Variants in DCN observed in about 807,000 individuals in gnomAD.
DCN encodes bone proteoglycan II.
DCN carries 17 observed loss-of-function variants against 36.5 expected under a neutral mutation model. The ratio of observed to expected loss-of-function variants is 0.47; its 90% CI spans 0.32 to 0.70. DCN has a LOEUF of 0.70. DCN is among the 30% of genes least tolerant of loss of function. DCN has a pLI of 0.04. For missense variants in DCN, 389 were observed against 430.1 expected (o/e 0.90, Z 0.84); for synonymous variants, 163 against 161.4 (o/e 1.01, Z -0.07).
intron 5 of DCN, among the ~76,000 whole-genome samples, chr12:91,154,052 T>G (rs181462464): frequency 6.6e-6 from 1 of 152,238 alleles, no homozygotes; most frequent in East Asian, 1.9e-4. Context: ...ATTGGTTAAG[T>G]GTAGAAAGAA....
At position 91,144,550 on chromosome 12, in the gene DCN, A is replaced by T; in HGVS notation, c.*1508T>A. The T allele has an allele frequency of 6.6e-6, 1 of 152,210 alleles. No individual in the cohort carries two copies. The highest frequency in any genetic ancestry group is 1.9e-4 in the East Asian group (1 of 5,202). 9.4% of individuals were successfully genotyped at this position (152,210 alleles called of 1,614,324 possible). On this transcript the variant is annotated 3_prime_UTR_variant, in exon 8 of 8. Transcript: ENST00000052754. ...AGAATGTGGAAAGATGGAAAAGAGT[A>T]ACTTTCCCTAATGTTAATATTACCT...
At chr12:91,172,473 C>G (rs3138185) in intron 2 of DCN, 1 of 212,050 alleles carries the variant, frequency 4.7e-6, no homozygotes, top group South Asian at 8.1e-5. Flanking sequence ...AGCATGTTCC[C>G]CTTTTTCCAT....
chr12:91,149,855 A>C (rs1881291146), intron 7 of DCN, among the ~76,000 whole-genome samples: 1 of 152,210 alleles, frequency 6.6e-6, no homozygotes, highest in Admixed American at 6.5e-5. Flanking sequence ...AAAAACAATG[A>C]ATGTAGTAAA....
intron 3 of DCN, among the ~76,000 whole-genome samples, chr12:91,163,012 C>T (rs1292937232): frequency 3.3e-5 from 5 of 152,174 alleles, no homozygotes; most frequent in African/African-American, 7.2e-5. Flanking sequence ...CTCAATGCTT[C>T]AGAGTGGTCT....
chr12:91,167,690 A>T (rs1882665850), intron 2 of DCN, among the ~76,000 whole-genome samples: 1 of 152,222 alleles, frequency 6.6e-6, no homozygotes, highest in East Asian at 1.9e-4. Flanking sequence ...GAGAATTTTA[A>T]GGCAGTCTAA....
In DCN at chr12:91,153,038, T is replaced by C; in HGVS notation, c.746+58A>G. On this transcript the variant is annotated intron_variant, in intron 6 of 7. Coordinates refer to ENST00000052754, the MANE Select transcript of DCN (RefSeq NM_001920.5). ...CATCATGTTTATAATTCTTATCATA[T>C]AAGCACTAATATACCTAGCCATTGT... 3.4e-6 allele frequency: 3 copies of C among 881,668 alleles called. No homozygotes were observed. In the South Asian group the frequency reaches 3.9e-5, roughly 12 times the overall value. The allele number at this position is 881,668 out of a possible 1,614,324, so 54.6% of individuals were successfully genotyped here. A position where few individuals can be genotyped will look rare whatever the true frequency, so the allele number is the denominator to read the frequency against.
Position 91,157,062 on chromosome 12 carries a change from A to G in DCN, c.652+13T>C. 6.6e-7 allele frequency: 1 copy of G among 1,520,208 alleles called. No individual in the cohort carries two copies. Among genetic ancestry groups the G allele is most frequent in the Middle Eastern group, 1.7e-4 (1 of 5,886 alleles). 94.2% of individuals were successfully genotyped at this position (1,520,208 alleles called of 1,614,324 possible). On this transcript the variant is annotated intron_variant, in intron 5 of 7. Transcript: ENST00000052754. ...TTAAATTTTTCAAAATGTTTTGGAG[A>G]ATCTTCTATCACCTTGAGGAATGCT...
chr12:91,172,964 G>T, intron 2 of DCN: 1 of 458,022 alleles, frequency 2.2e-6, no homozygotes, highest in East Asian at 3.5e-5. Flanking sequence ...AATAATCAAA[G>T]CAAATGTAGA....
At chr12:91,165,617 CT>C (rs1039168355) in intron 2 of DCN, among the ~76,000 whole-genome samples, 13 of 152,060 alleles carry the variant, frequency 8.5e-5, no homozygotes, top group Admixed American at 6.6e-4. Context: ...TTTTGCCTTT[CT>C]TTTTTTCATT....
rs1462894446 is a variant in DCN, at chr12:91,141,871, C to A, written c.*4187G>T. On this transcript the variant is annotated 3_prime_UTR_variant, in exon 8 of 8. Coordinates refer to ENST00000052754, the MANE Select transcript of DCN (RefSeq NM_001920.5). ...ATACTCAGGAGGCAACTCACCCAGT[C>A]CTTTTCTGGTTATCTTATACTGGGG... The A allele has an allele frequency of 1.3e-5, 2 of 152,062 alleles. No individual in the cohort carries two copies. Among genetic ancestry groups the A allele is most frequent in the Admixed American group, 1.3e-4 (2 of 15,248 alleles). The allele number at this position is 152,062 out of a possible 1,614,324, so 9.4% of individuals were successfully genotyped here.
intron 2 of DCN, among the ~76,000 whole-genome samples, chr12:91,169,398 A>C (rs1882796457): frequency 6.6e-6 from 1 of 151,362 alleles, no homozygotes. Context: ...AAAAAAAAAA[A>C]AAACCAAAAA....
In DCN at chr12:91,169,378, C is replaced by CTAAAAAAAAAAA. The variant is rs71097880; in HGVS notation, c.212-4662_212-4661insTTTTTTTTTTTA. Reference sequence around the variant, plus strand: ...CCTAGGCAACAGGGGGAGATCCTGTCAAAAAAAAAAAAAAAAAAAAAAACC... The same window carrying CTAAAAAAAAAAA: ...CCTAGGCAACAGGGGGAGATCCTGTCTAAAAAAAAAAAAAAAAAAAAAAAAAAAAAAAAAACC... On this transcript the variant is annotated intron_variant, in intron 2 of 7. Transcript: ENST00000052754. Among the ~76,000 whole-genome samples, 6 of 73,402 alleles carry CTAAAAAAAAAAA rather than the reference C, an allele frequency of 8.2e-5. 2 individuals are homozygous for CTAAAAAAAAAAA. The highest frequency in any genetic ancestry group is 1.1e-4 in the African/African-American group (2 of 18,094). 48.2% of individuals were successfully genotyped at this position (73,402 alleles called of 152,430 possible).
At chr12:91,179,989 A>G (rs112398466) in intron 1 of DCN, among the ~76,000 whole-genome samples, 112 of 152,316 alleles carry the variant, frequency 7.4e-4, no homozygotes, top group African/African-American at 2.6e-3. Flanking sequence ...ATGTTGTTAA[A>G]TCAACTGAAG....
intron 2 of DCN, 83 bp from the exon 3 acceptor site, chr12:91,164,800 T>A: frequency 1.3e-6 from 1 of 767,708 alleles, no homozygotes; most frequent in Non-Finnish European, 2.4e-6. Context: ...TACCAAGAAA[T>A]TAATGTTATG....
rs1476559434 is a variant in DCN, at chr12:91,145,584, T to C, written c.*474A>G. The C allele has an allele frequency of 6.0e-6, 1 of 166,268 alleles. No homozygotes were observed. Among genetic ancestry groups the C allele is most frequent in the Non-Finnish European group, 1.3e-5 (1 of 75,190 alleles). 10.3% of individuals were successfully genotyped at this position (166,268 alleles called of 1,614,324 possible). A position where few individuals can be genotyped will look rare whatever the true frequency, so the allele number is the denominator to read the frequency against. Reference sequence around the variant, plus strand: ...AAAATAATGACATTAGTAAAAATTTTACATAGCCTGTATTGAATTCACACA... The same window carrying C: ...AAAATAATGACATTAGTAAAAATTTCACATAGCCTGTATTGAATTCACACA... On this transcript the variant is annotated 3_prime_UTR_variant, in exon 8 of 8. Coordinates refer to ENST00000052754, the MANE Select transcript of DCN (RefSeq NM_001920.5).
rs1379946619 is a variant in DCN, at chr12:91,164,736, G to C, written c.212-19C>G. The C allele has an allele frequency of 1.6e-6, 2 of 1,283,120 alleles. No individual in the cohort carries two copies. Among genetic ancestry groups the C allele is most frequent in the African/African-American group, 1.5e-5 (1 of 68,468 alleles). 79.5% of individuals were successfully genotyped at this position (1,283,120 alleles called of 1,614,324 possible). On this transcript the variant is annotated intron_variant, in intron 2 of 7. Transcript: ENST00000052754. ...TCCAGACCTAGCATAAGAGTAATAGGAGTGTGCTGTGAGTAGAAAGGACAT... is the reference window on the plus strand; with the variant it reads ...TCCAGACCTAGCATAAGAGTAATAGCAGTGTGCTGTGAGTAGAAAGGACAT...
Position 91,178,484 on chromosome 12 carries a change from G to A in DCN, c.69C>T (p.Gly23=). Reference sequence around the variant, plus strand: ...CATCTTCTAGCATAAAGTCAAATAAGCCTCTCTGTTGAAACGGTCCAGCCC... The same window carrying A: ...CATCTTCTAGCATAAAGTCAAATAAACCTCTCTGTTGAAACGGTCCAGCCC... ...VSWAGPFQQR[G]LFDFMLEDEA... The change falls in exon 2 of 8, where the codon GGC becomes GGT. Residue 23 remains glycine (G), a synonymous_variant. Transcript: ENST00000052754. The A allele has an allele frequency of 6.2e-7, 1 of 1,613,724 alleles. No individual in the cohort carries two copies. The highest frequency in any genetic ancestry group is 8.5e-7 in the Non-Finnish European group (1 of 1,179,928).
intron 3 of DCN, among the ~76,000 whole-genome samples, chr12:91,159,727 G>A (rs1882040480): frequency 6.6e-6 from 1 of 151,686 alleles, no homozygotes; most frequent in Non-Finnish European, 1.5e-5. Context: ...TATAACAATT[G>A]CTAGGCCTAT....
rs145007049 is a variant in DCN, at chr12:91,162,151, G to T, written c.324+2454C>A. Reference sequence around the variant, plus strand: ...AGACAGGGTTTCACCATGTTGGCCAGGATGGTCTTGATCTCTTAACCTTGT... The same window carrying T: ...AGACAGGGTTTCACCATGTTGGCCATGATGGTCTTGATCTCTTAACCTTGT... On this transcript the variant is annotated intron_variant, in intron 3 of 7. Coordinates refer to ENST00000052754, the MANE Select transcript of DCN (RefSeq NM_001920.5). Among the ~76,000 whole-genome samples the T allele has an allele frequency of 9.0e-3, 1,373 of 152,160 alleles. 24 individuals carry two copies. The highest frequency in any genetic ancestry group is 0.032 in the African/African-American group (1,314 of 41,518).
Sources: gnomAD v4.1 joint callset for allele counts (sites outside exome capture counted in the v4.1 genomes callset) on GRCh38, gnomAD v4.1.1 for gene constraint, MANE v1.5 for transcripts, NCBI Gene and HGNC (gene_info 2026-07-23, HGNC 2026-07-21) for gene names.